Variants in TMEM120B observed in about 807,000 individuals in gnomAD.
TMEM120B encodes the protein transmembrane protein 120B.
TMEM120B carries 31 observed loss-of-function variants against 55.5 expected under a neutral mutation model. The ratio of observed to expected loss-of-function variants is 0.56; its 90% CI spans 0.42 to 0.75. The LOEUF is 0.75. Among genes scored for constraint, TMEM120B ranks in the 30% least tolerant of loss-of-function variants. The probability of loss-of-function intolerance (pLI) is 0.00; values close to 1 mark genes in which losing one functional copy is unlikely to be tolerated. For missense variants in TMEM120B, 399 were observed against 425.5 expected (o/e 0.94, Z 0.55); for synonymous variants, 203 against 176.3 (o/e 1.15, Z -1.20).
intron 5 of TMEM120B, among the ~76,000 whole-genome samples, chr12:121,757,517 A>AT (rs1470623337): frequency 4.5e-4 from 51 of 113,896 alleles, no homozygotes; most frequent in South Asian, 2.6e-3. Context: ...AATTATTATT[A>AT]TTATTTATTT....
Position 121,775,606 on chromosome 12 carries a change from C to T in TMEM120B, c.907-3C>T, listed in dbSNP as rs1347987529. The T allele has an allele frequency of 6.2e-7, 1 of 1,612,844 alleles. No homozygotes were observed. Among genetic ancestry groups the T allele is most frequent in the African/African-American group, 1.3e-5 (1 of 74,878 alleles). On this transcript the variant is annotated splice_polypyrimidine_tract_variant and splice_region_variant and intron_variant, in intron 11 of 11. Coordinates refer to ENST00000449592, the MANE Select transcript of TMEM120B (RefSeq NM_001080825.2). The surrounding 1 kb of genome is among the most constrained non-coding windows in gnomAD (Gnocchi z 4.3). ...CCTCGCCCTCCTCTCTGGACTCCCC[C>T]AGGTGTTCGTACTGGCGTTCACCTT...
chr12:121,736,243 CA>C (rs1566511142), intron 1 of TMEM120B, among the ~76,000 whole-genome samples: 1 of 151,856 alleles, frequency 6.6e-6, no homozygotes. Flanking sequence ...GGCGTGGTCT[CA>C]GCTCACTGCA....
At chr12:121,731,157 A>G (rs1043275350) in intron 1 of TMEM120B, among the ~76,000 whole-genome samples, 1 of 152,190 alleles carries the variant, frequency 6.6e-6, no homozygotes, top group African/African-American at 2.4e-5. Context: ...ATAGTCACAC[A>G]TTGCATACTG....
chr12:121,744,582 A>G (rs1481336367), intron 2 of TMEM120B, among the ~76,000 whole-genome samples: 1 of 152,152 alleles, frequency 6.6e-6, no homozygotes, highest in Non-Finnish European at 1.5e-5. Context: ...AGCTTAGTTC[A>G]GTTCCCAAGG....
intron 1 of TMEM120B, among the ~76,000 whole-genome samples, chr12:121,730,328 A>T (rs1894975843): frequency 6.6e-6 from 1 of 151,642 alleles, no homozygotes; most frequent in African/African-American, 2.4e-5. Flanking sequence ...CATTATGCTA[A>T]GTGATAAATA....
In TMEM120B at chr12:121,744,458, C is replaced by T. The variant is rs150156005; in HGVS notation, c.188+711C>T. 3.7e-3 allele frequency among the ~76,000 whole-genome samples: 560 copies of T among 152,310 alleles called. 21 individuals carry two copies. The highest frequency in any genetic ancestry group is 0.033 in the Admixed American group (499 of 15,278). On this transcript the variant is annotated intron_variant, in intron 2 of 11. Transcript: ENST00000449592. ...GTGCTGTTATAGGAAGGTGCCCTGCCGGACAAGTAAGCAGGCAGCGTCCTT... is the reference window on the plus strand; with the variant it reads ...GTGCTGTTATAGGAAGGTGCCCTGCTGGACAAGTAAGCAGGCAGCGTCCTT...
intron 2 of TMEM120B, among the ~76,000 whole-genome samples, chr12:121,746,539 G>C (rs1181472745): frequency 6.6e-6 from 1 of 152,014 alleles, no homozygotes; most frequent in East Asian, 1.9e-4. Flanking sequence ...TGCTATGTTA[G>C]TCAGGCTGGT....
At chr12:121,742,778 A>T (rs1872972071) in intron 1 of TMEM120B, among the ~76,000 whole-genome samples, 1 of 152,004 alleles carries the variant, frequency 6.6e-6, no homozygotes, top group South Asian at 2.1e-4. Context: ...GGGTTTTGCC[A>T]TGTTGGCCAG....
chr12:121,730,191 G>A (rs1266120215), intron 1 of TMEM120B, among the ~76,000 whole-genome samples: 2 of 151,598 alleles, frequency 1.3e-5, no homozygotes, highest in Non-Finnish European at 1.5e-5. Context: ...CCCAGGAAGC[G>A]GAGGTTGCAG....
chr12:121,756,984 G>C (rs7313408), intron 5 of TMEM120B, among the ~76,000 whole-genome samples: 12,984 of 152,182 alleles, frequency 0.085, 993 homozygotes, highest in African/African-American at 0.2. Context: ...GACGGTGCCT[G>C]AGAGTAGCAG....
chr12:121,722,103 T>C (rs1417006510), intron 1 of TMEM120B, among the ~76,000 whole-genome samples: 1 of 145,384 alleles, frequency 6.9e-6, no homozygotes, highest in African/African-American at 2.5e-5. Flanking sequence ...ACCTGGCCTT[T>C]TTTTTTTTTT....
chr12:121,725,097 C>T (rs952824302), intron 1 of TMEM120B, among the ~76,000 whole-genome samples: 3 of 152,082 alleles, frequency 2.0e-5, no homozygotes, highest in Non-Finnish European at 4.4e-5. Flanking sequence ...CTTATAATTA[C>T]CCTTTTTCCC....
At chr12:121,744,343 C>T (rs529311398) in intron 2 of TMEM120B, among the ~76,000 whole-genome samples, 13 of 152,330 alleles carry the variant, frequency 8.5e-5, no homozygotes, top group South Asian at 4.1e-4. Flanking sequence ...AGCGCCATGC[C>T]GTGTGCTAAG....
chr12:121,774,033 G>A (rs1874154547), intron 9 of TMEM120B, among the ~76,000 whole-genome samples: 1 of 135,340 alleles, frequency 7.4e-6, no homozygotes, highest in East Asian at 2.2e-4. Flanking sequence ...TCTATTCACT[G>A]CAACCTCCGC....
At chr12:121,774,846 G>T (rs7314742) in intron 10 of TMEM120B, 124 bp downstream of exon 10, 385,650 of 1,299,546 alleles carry the variant, frequency 0.3, 64,332 homozygotes, top group African/African-American at 0.7. Flanking sequence ...TCCTGGGGCC[G>T]GGGCAGCCTC....
intron 4 of TMEM120B, among the ~76,000 whole-genome samples, chr12:121,750,808 A>T (rs1285295648): frequency 9.8e-6 from 1 of 101,712 alleles, no homozygotes; most frequent in Non-Finnish European, 2.0e-5. Flanking sequence ...CACACCCCAT[A>T]CACAACACCC....
At chr12:121,762,480 C>T (rs1316525856) in intron 6 of TMEM120B, among the ~76,000 whole-genome samples, 1 of 152,200 alleles carries the variant, frequency 6.6e-6, no homozygotes, top group Non-Finnish European at 1.5e-5. Flanking sequence ...CTGGGTCGCA[C>T]TGGCTATGTC....
chr12:121,758,169 G>A (rs1288312824), intron 5 of TMEM120B: 3 of 985,330 alleles, frequency 3.0e-6, no homozygotes, highest in Non-Finnish European at 2.4e-6. Flanking sequence ...GCAGTGGTGG[G>A]GAAGCCCTCA....
At position 121,780,835 on chromosome 12, in the gene TMEM120B, G is replaced by T. The variant is rs764193476; in HGVS notation, c.*5113G>T. On this transcript the variant is annotated 3_prime_UTR_variant, in exon 12 of 12. Transcript: ENST00000449592. Reference sequence around the variant, plus strand: ...GGCCAAAGGTCCGGGAGGCTTCACAGCCACGGCTGTGCCCCAGGGTCTTGG... The same window carrying T: ...GGCCAAAGGTCCGGGAGGCTTCACATCCACGGCTGTGCCCCAGGGTCTTGG... 6.3e-7 allele frequency: 1 copy of T among 1,596,970 alleles called. No homozygotes were observed.
Sources: allele counts gnomAD v4.1 joint callset (sites outside exome capture counted in the v4.1 genomes callset), GRCh38; gene constraint gnomAD v4.1.1; non-coding constraint Gnocchi (gnomAD v3.1); transcripts MANE v1.5; gene names NCBI Gene and HGNC (gene_info 2026-07-23, HGNC 2026-07-21).